The following DNM3 variants were observed in gnomAD, a reference collection of about 807,000 sequenced individuals.
DNM3 encodes the protein dynamin 3, also known as dynamin-3.
DNM3 carries 47 observed loss-of-function variants against 101.6 expected under a neutral mutation model. That is an observed-to-expected ratio of 0.46 (90% CI 0.37 to 0.59). The LOEUF (loss-of-function observed/expected upper bound fraction) is 0.59, where lower values mean the gene tolerates loss of function less well. Among genes scored for constraint, DNM3 ranks in the 20% least tolerant of loss-of-function variants. DNM3 has a pLI of 0.00. For synonymous variants in DNM3, 385 were observed against 387.9 expected, an observed-to-expected ratio of 0.99 and a Z score of 0.09; for missense variants, 849 against 1,085.7, an observed-to-expected ratio of 0.78 and a Z score of 3.06.
chr1:171,898,781 T>A (rs1263811546), intron 1 of DNM3, among the ~76,000 whole-genome samples: 1 of 150,926 alleles, frequency 6.6e-6, no homozygotes, highest in African/African-American at 2.5e-5. Flanking sequence ...GAGAGTGAAT[T>A]TTTTTTTTCA....
At chr1:171,974,062 A>G (rs1375896811) in intron 2 of DNM3, among the ~76,000 whole-genome samples, 1 of 152,192 alleles carries the variant, frequency 6.6e-6, no homozygotes, top group Non-Finnish European at 1.5e-5. Context: ...GAGGTTAACA[A>G]GAAGAAACTT....
chr1:172,078,116 G>C (rs2052819586), intron 11 of DNM3, among the ~76,000 whole-genome samples: 1 of 151,644 alleles, frequency 6.6e-6, no homozygotes, highest in Non-Finnish European at 1.5e-5. Context: ...TTTTTTAGAT[G>C]GAGTCTCACT....
intron 14 of DNM3, among the ~76,000 whole-genome samples, chr1:172,160,614 C>G (rs2058512635): frequency 1.3e-5 from 2 of 151,864 alleles, no homozygotes; most frequent in Non-Finnish European, 2.9e-5. Context: ...GCTAACAATA[C>G]CTTCCTCTGG....
At chr1:172,235,727 C>G (rs1317843993) in intron 14 of DNM3, among the ~76,000 whole-genome samples, 1 of 152,040 alleles carries the variant, frequency 6.6e-6, no homozygotes, top group Admixed American at 6.6e-5. Flanking sequence ...CCATCATTCT[C>G]AGCAAACTAT....
chr1:171,890,141 C>T (rs1279322660), intron 1 of DNM3, among the ~76,000 whole-genome samples: 2 of 152,144 alleles, frequency 1.3e-5, no homozygotes, highest in Non-Finnish European at 2.9e-5. Context: ...ATGAATCAAA[C>T]AATGATCTTG....
chr1:172,231,735 G>A (rs191421750), intron 14 of DNM3, among the ~76,000 whole-genome samples: 1 of 152,330 alleles, frequency 6.6e-6, no homozygotes, highest in East Asian at 1.9e-4. Context: ...AACCAATGCA[G>A]AGAAGTCCTT....
At chr1:172,141,155 T>G (rs1312665838) in intron 14 of DNM3, among the ~76,000 whole-genome samples, 2 of 152,088 alleles carry the variant, frequency 1.3e-5, no homozygotes, top group African/African-American at 2.4e-5. Context: ...AAATTCAAAA[T>G]GAAGATTTAA....
At chr1:171,897,267 G>T (rs2037899049) in intron 1 of DNM3, among the ~76,000 whole-genome samples, 1 of 152,110 alleles carries the variant, frequency 6.6e-6, no homozygotes, top group African/African-American at 2.4e-5. Context: ...GTCAAATCAG[G>T]TCATAGCAAA....
At chr1:172,399,218 A>T (rs2070268519) in intron 20 of DNM3, among the ~76,000 whole-genome samples, 1 of 152,172 alleles carries the variant, frequency 6.6e-6, no homozygotes, top group Admixed American at 6.5e-5. Flanking sequence ...CATTTCTCTC[A>T]TTTAAAAAAA....
chr1:172,293,787 C>T (rs1476903772), intron 15 of DNM3, among the ~76,000 whole-genome samples: 3 of 152,138 alleles, frequency 2.0e-5, no homozygotes, highest in Admixed American at 1.3e-4. Flanking sequence ...TATTTTCCCT[C>T]TCAAGAATTT....
At chr1:171,981,452 A>T (rs115230206) in intron 2 of DNM3, among the ~76,000 whole-genome samples, 1 of 152,234 alleles carries the variant, frequency 6.6e-6, no homozygotes, top group Non-Finnish European at 1.5e-5. Flanking sequence ...GAAGGGGCAT[A>T]TTGGAAATAT....
intron 14 of DNM3, among the ~76,000 whole-genome samples, chr1:172,236,362 T>G (rs2061545521): frequency 6.6e-6 from 1 of 152,150 alleles, no homozygotes; most frequent in African/African-American, 2.4e-5. Flanking sequence ...GAATTGAGAC[T>G]TTTTCATGGA....
chr1:172,069,313 A>G lies in DNM3; in HGVS notation c.1422+408A>G, dbSNP rs140563072. ...GACTCCAGAAGATTCACAAACTCCTAAAACATTATGCAAAATGCTCAGTGT... is the reference window on the plus strand; with the variant it reads ...GACTCCAGAAGATTCACAAACTCCTGAAACATTATGCAAAATGCTCAGTGT... On this transcript the variant is annotated intron_variant, in intron 11 of 20. Coordinates refer to ENST00000627582, the MANE Select transcript of DNM3 (RefSeq NM_015569.5). Among the ~76,000 whole-genome samples the G allele has an allele frequency of 6.2e-3, 938 of 152,340 alleles. 7 individuals carry two copies. The highest frequency in any genetic ancestry group is 0.01 in the Non-Finnish European group (707 of 68,030).
chr1:171,950,821 T>A (rs74770709), intron 2 of DNM3, among the ~76,000 whole-genome samples: 23,615 of 152,154 alleles, frequency 0.16, 2,404 homozygotes, highest in South Asian at 0.26. Context: ...TTTAAATATG[T>A]GTACTTTATT....
chr1:172,105,567 C>A (rs2054952629), intron 13 of DNM3, among the ~76,000 whole-genome samples: 1 of 151,844 alleles, frequency 6.6e-6, no homozygotes, highest in Non-Finnish European at 1.5e-5. Flanking sequence ...ATTCTTTTTT[C>A]AAAAATGAGT....
chr1:172,262,394 C>T (rs1049454771), intron 15 of DNM3, among the ~76,000 whole-genome samples: 3 of 152,150 alleles, frequency 2.0e-5, no homozygotes, highest in Admixed American at 6.5e-5. Flanking sequence ...ATGGCGTATG[C>T]AGCAGTGCCT....
intron 1 of DNM3, among the ~76,000 whole-genome samples, chr1:171,853,526 A>G (rs976234086): frequency 1.3e-5 from 2 of 152,134 alleles, no homozygotes; most frequent in African/African-American, 2.4e-5. Context: ...AATTGACCCA[A>G]TTTCTTTCAG....
At chr1:172,072,360 C>A (rs2052267024) in intron 11 of DNM3, among the ~76,000 whole-genome samples, 1 of 152,116 alleles carries the variant, frequency 6.6e-6, no homozygotes, top group Admixed American at 6.5e-5. Context: ...TAATAGCCCC[C>A]ATGCCTTGAC....
At chr1:171,921,915 G>A in intron 2 of DNM3, 94 bp downstream of exon 2, 2 of 1,107,106 alleles carry the variant, frequency 1.8e-6, no homozygotes, top group Non-Finnish European at 2.7e-6. Context: ...AAACGTTTTT[G>A]TGATCGCCCC....
Sources: gnomAD v4.1 joint callset for allele counts (sites outside exome capture counted in the v4.1 genomes callset) on GRCh38, gnomAD v4.1.1 for gene constraint, MANE v1.5 for transcripts, NCBI Gene and HGNC (gene_info 2026-07-23, HGNC 2026-07-21) for gene names.